CXCL13: variants seen among roughly 807,000 people sequenced by gnomAD.
CXCL13 encodes the protein C-X-C motif chemokine ligand 13, also known as C-X-C motif chemokine 13.
A neutral mutation model predicts 12.2 loss-of-function variants in CXCL13; 7 were observed. The observed-to-expected ratio is 0.57, with a 90% CI of 0.33 to 1.07. The LOEUF (loss-of-function observed/expected upper bound fraction) is 1.07. CXCL13 is among the 50% of genes least tolerant of loss of function. The probability of loss-of-function intolerance (pLI) is 0.04; values close to 1 mark genes in which losing one functional copy is unlikely to be tolerated. For synonymous variants in CXCL13, 47 were observed against 42.4 expected, an observed-to-expected ratio of 1.11 and a Z score of -0.42; for missense variants, 113 against 127.4, an observed-to-expected ratio of 0.89 and a Z score of 0.55.
chr4:77,569,217 C>T (rs1578058217), intron 1 of CXCL13, among the ~76,000 whole-genome samples: 1 of 152,196 alleles, frequency 6.6e-6, no homozygotes, highest in South Asian at 2.1e-4. Flanking sequence ...GACAAGGATA[C>T]CTTCTCTCAC....
chr4:77,530,847 G>A (rs1327127815), intron 1 of CXCL13, among the ~76,000 whole-genome samples: 1 of 151,890 alleles, frequency 6.6e-6, no homozygotes, highest in East Asian at 1.9e-4. Context: ...TGCTTCTCTA[G>A]TTCTTTTAAT....
intron 1 of CXCL13, among the ~76,000 whole-genome samples, chr4:77,522,514 CTTTTTTTT>C (rs777857811): frequency 4.0e-4 from 4 of 10,090 alleles, no homozygotes; most frequent in African/African-American, 1.2e-3. Flanking sequence ...GCAACCCCTG[CTTTTTTTT>C]TTTTTTTTTT....
At chr4:77,512,162 G>A (rs1362865337) in intron 1 of CXCL13, among the ~76,000 whole-genome samples, 10 of 152,294 alleles carry the variant, frequency 6.6e-5, no homozygotes, top group African/African-American at 2.4e-4. Flanking sequence ...ATGAGAAACA[G>A]GGAAACTAAT....
rs529476279 is a variant in CXCL13 at position 77,544,415 on chromosome 4, C to G, written c.-43+32627C>G. On this transcript the variant is annotated intron_variant, in intron 1 of 4. Coordinates refer to the CXCL13 transcript ENST00000286758. ...ACATCCTCTCCAGCACCTGCTGTTT[C>G]CTGACTTTTTAATGATCACTATTCT... Among the ~76,000 whole-genome samples the G allele has an allele frequency of 3.3e-5, 5 of 152,224 alleles. No individual in the cohort carries two copies. The East Asian group carries it at 9.7e-4, about 29-fold the overall frequency.
At chr4:77,586,643 T>A (rs355689) in intron 1 of CXCL13, among the ~76,000 whole-genome samples, 2,364 of 152,028 alleles carry the variant, frequency 0.016, 60 homozygotes, top group African/African-American at 0.052. Context: ...TCTCTGACAG[T>A]GGAGAAATAA....
intron 1 of CXCL13, among the ~76,000 whole-genome samples, chr4:77,527,651 A>G (rs1724801110): frequency 6.6e-6 from 1 of 151,950 alleles, no homozygotes; most frequent in Admixed American, 6.6e-5. Context: ...AAAAAGAAAG[A>G]AAGAAAAGAA....
chr4:77,547,873 G>T (rs1725411509), intron 1 of CXCL13, among the ~76,000 whole-genome samples: 1 of 152,144 alleles, frequency 6.6e-6, no homozygotes, highest in Admixed American at 6.5e-5. Context: ...GCTGGTACAG[G>T]TTTTTCCTTT....
chr4:77,609,040 G>C (rs895720810), intron 2 of CXCL13, among the ~76,000 whole-genome samples: 1 of 152,194 alleles, frequency 6.6e-6, no homozygotes, highest in Non-Finnish European at 1.5e-5. Flanking sequence ...AGAAATGAAA[G>C]TTTCAAATTA....
chr4:77,532,842 T>C (rs1724963313), intron 1 of CXCL13, among the ~76,000 whole-genome samples: 1 of 152,236 alleles, frequency 6.6e-6, no homozygotes, highest in East Asian at 1.9e-4. Flanking sequence ...TCAAGTCGGC[T>C]ACTGAGGCTT....
chr4:77,520,347 G>C (rs1194111716), intron 1 of CXCL13, among the ~76,000 whole-genome samples: 1 of 152,184 alleles, frequency 6.6e-6, no homozygotes, highest in African/African-American at 2.4e-5. Flanking sequence ...CTACCCATGA[G>C]CATGGAATGT....
intron 1 of CXCL13, among the ~76,000 whole-genome samples, chr4:77,533,803 A>G (rs1179366599): frequency 6.6e-6 from 1 of 152,154 alleles, no homozygotes; most frequent in East Asian, 1.9e-4. Flanking sequence ...AGCCATGAGC[A>G]AGGGCCCATG....
At chr4:77,587,742 G>A (rs184904062) in intron 1 of CXCL13, among the ~76,000 whole-genome samples, 1 of 152,342 alleles carries the variant, frequency 6.6e-6, no homozygotes, top group East Asian at 1.9e-4. Context: ...CAGGATTCAA[G>A]TCGAAGTCAG....
upstream of CXCL13, among the ~76,000 whole-genome samples, chr4:77,603,378 G>A (rs1052716189): frequency 1.3e-5 from 2 of 152,312 alleles, no homozygotes; most frequent in South Asian, 2.1e-4. Context: ...AATAGTGCTA[G>A]GACAAAGGAG....
chr4:77,535,883 A>C (rs1001097256), intron 1 of CXCL13, among the ~76,000 whole-genome samples: 1 of 152,240 alleles, frequency 6.6e-6, no homozygotes, highest in Admixed American at 6.5e-5. Context: ...GAGACAAGCC[A>C]TCCTCACTAT....
At chr4:77,524,332 A>T (rs986622387) in intron 1 of CXCL13, among the ~76,000 whole-genome samples, 7 of 152,190 alleles carry the variant, frequency 4.6e-5, no homozygotes, top group African/African-American at 1.7e-4. Context: ...TCCCCTGCCT[A>T]CAGAGGTGGA....
At chr4:77,574,599 A>G (rs1002700052) in intron 1 of CXCL13, among the ~76,000 whole-genome samples, 3 of 151,970 alleles carry the variant, frequency 2.0e-5, no homozygotes, top group Non-Finnish European at 4.4e-5. Flanking sequence ...TAAATTTTTA[A>G]AAAGGTGCTA....
At chr4:77,533,066 C>G (rs1394894031) in intron 1 of CXCL13, among the ~76,000 whole-genome samples, 2 of 152,176 alleles carry the variant, frequency 1.3e-5, no homozygotes, top group African/African-American at 4.8e-5. Context: ...CAGCTTTGCT[C>G]CATTTCTGGT....
chr4:77,553,708 T>C (rs752219603), intron 1 of CXCL13, among the ~76,000 whole-genome samples: 5 of 152,202 alleles, frequency 3.3e-5, no homozygotes, highest in Non-Finnish European at 7.3e-5. Flanking sequence ...TGGATTCCCA[T>C]TTTCCTTCTT....
chr4:77,598,401 C>T lies in CXCL13; in HGVS notation c.-42-7423C>T, dbSNP rs140247736. 1.8e-3 allele frequency among the ~76,000 whole-genome samples: 277 copies of T among 152,296 alleles called. 1 individual carries two copies. The highest frequency in any genetic ancestry group is 6.3e-3 in the African/African-American group (261 of 41,560). ...ATAACCATTCCATCCCCAATCCCTT[C>T]GTCCCTTTCAGAGCCTGGAAGAGGG... is the stretch of plus-strand genomic sequence containing the variant. On this transcript the variant is annotated intron_variant, in intron 1 of 4. Coordinates refer to the CXCL13 transcript ENST00000286758.
Sources: gnomAD v4.1 joint callset for allele counts (sites outside exome capture counted in the v4.1 genomes callset) on GRCh38, gnomAD v4.1.1 for gene constraint, MANE v1.5 for transcripts, NCBI Gene and HGNC (gene_info 2026-07-23, HGNC 2026-07-21) for gene names.